Variants in VPS13B observed in about 807,000 individuals in gnomAD.
VPS13B encodes the protein vacuolar protein sorting 13 homolog B.
In VPS13B, 285 loss-of-function variants were observed where a neutral mutation model predicts 426.4. The observed-to-expected ratio is 0.67, with a 90% confidence interval of 0.61 to 0.74. The LOEUF (loss-of-function observed/expected upper bound fraction) is 0.74, where lower values mean the gene tolerates loss of function less well. Ranked by LOEUF, VPS13B falls within the 30% of genes least tolerant of loss-of-function variation. The pLI is 0.00. For missense variants in VPS13B, 4,537 were observed against 4,782.6 expected, an observed-to-expected ratio of 0.95 and a Z score of 1.51; for synonymous variants, 1,676 against 1,676.4, an observed-to-expected ratio of 1.00 and a Z score of 0.01.
intron 33 of VPS13B, among the ~76,000 whole-genome samples, chr8:99,606,995 G>T (rs1005265876): frequency 6.6e-6 from 1 of 152,092 alleles, no homozygotes; most frequent in African/African-American, 2.4e-5. Context: ...GACCTACTTG[G>T]ATAATTAAGG....
chr8:99,020,401 A>G (rs925426655), intron 2 of VPS13B, among the ~76,000 whole-genome samples: 2 of 152,142 alleles, frequency 1.3e-5, no homozygotes, highest in African/African-American at 4.8e-5. Context: ...TAGCAGATAC[A>G]TGATTTGCAG....
intron 35 of VPS13B, among the ~76,000 whole-genome samples, chr8:99,682,006 T>C (rs1379842611): frequency 2.0e-5 from 3 of 152,174 alleles, no homozygotes; most frequent in African/African-American, 4.8e-5. Context: ...CAAAACAAAA[T>C]AAATCTATAA....
chr8:99,731,355 G>A (rs1833592156), intron 39 of VPS13B, among the ~76,000 whole-genome samples: 1 of 152,122 alleles, frequency 6.6e-6, no homozygotes, highest in South Asian at 2.1e-4. Flanking sequence ...GTACTGTTTA[G>A]AGCTAAGGTA....
chr8:99,271,205 A>ACTC (rs2132983191), intron 17 of VPS13B, among the ~76,000 whole-genome samples: 1 of 109,886 alleles, frequency 9.1e-6, no homozygotes, highest in East Asian at 2.0e-4. Context: ...AACTACTACT[A>ACTC]CTACTACTAC....
chr8:99,205,346 G>C (rs1231797730), intron 17 of VPS13B, among the ~76,000 whole-genome samples: 2 of 152,084 alleles, frequency 1.3e-5, no homozygotes, highest in African/African-American at 4.8e-5. Flanking sequence ...ACACACTGGG[G>C]CCTGTTGTGG....
At chr8:99,640,019 T>TAAGAAGAAGAAGAAGAAG (rs1172250597) in intron 33 of VPS13B, among the ~76,000 whole-genome samples, 10 of 78,308 alleles carry the variant, frequency 1.3e-4, no homozygotes, top group African/African-American at 4.4e-4. Context: ...ATAATAATAA[T>TAAGAAGAAGAAGAAGAAG]AATAATAAGA....
chr8:99,853,837 C>T lies in VPS13B; in HGVS notation c.10448C>T (p.Thr3483Ile), dbSNP rs367609176. The T allele has an allele frequency of 5.9e-5, 95 of 1,614,108 alleles. No homozygotes were observed. The highest frequency in any genetic ancestry group is 8.0e-5 in the Non-Finnish European group (94 of 1,180,048). Residue 3483 changes from threonine to isoleucine, a missense_variant, in exon 56 of 62, where the codon ACC becomes ATC. Coordinates refer to ENST00000357162, the MANE Select transcript of VPS13B (RefSeq NM_152564.5). ...KEKCFIKLCI[T>I]LNEGKSILCD... ...AAATGTTTTATCAAACTTTGCATCA[C>T]CTTAAATGAAGGCAAGAGCATCCTC...
intron 39 of VPS13B, among the ~76,000 whole-genome samples, chr8:99,723,522 A>C (rs1446515997): frequency 6.6e-6 from 1 of 152,128 alleles, no homozygotes; most frequent in Non-Finnish European, 1.5e-5. Context: ...GGTCCCTAGC[A>C]TTTTGGATAA....
intron 4 of VPS13B, among the ~76,000 whole-genome samples, chr8:99,102,028 A>G (rs543944494): frequency 5.3e-5 from 8 of 151,728 alleles, no homozygotes; most frequent in Non-Finnish European, 1.2e-4. Context: ...ATAAAGTGTT[A>G]TTTATATTTT....
At chr8:99,124,417 G>C (rs1356702285) in intron 8 of VPS13B, among the ~76,000 whole-genome samples, 2 of 152,074 alleles carry the variant, frequency 1.3e-5, no homozygotes, top group Non-Finnish European at 2.9e-5. Context: ...TTATTTCTAG[G>C]TATGTACTCA....
intron 29 of VPS13B, among the ~76,000 whole-genome samples, chr8:99,515,914 AT>A (rs1299304444): frequency 6.6e-6 from 1 of 152,050 alleles, no homozygotes; most frequent in Non-Finnish European, 1.5e-5. Flanking sequence ...TAATTAATAC[AT>A]TTTTTGTGTA....
chr8:99,306,801 C>T lies in VPS13B; in HGVS notation c.2824+31547C>T, dbSNP rs569837564. The stretch of plus-strand genomic sequence containing the variant: ...AGGCATCTCACTTGAAATCTCAGAA[C>T]TTATACTAAAAAATTTATGAAGTGG... On this transcript the variant is annotated intron_variant, in intron 19 of 61. Transcript: ENST00000357162. Among the ~76,000 whole-genome samples, 8 of 152,084 alleles carry T rather than the reference C, an allele frequency of 5.3e-5. No individual in the cohort carries two copies. The East Asian group carries it at 1.5e-3, about 29-fold the overall frequency.
In VPS13B at chr8:99,142,153, A is replaced by T. The variant is rs1810464130; in HGVS notation, c.1652-821A>T. ...GTACTCCTTTGCATGAAATAATGGA[A>T]ATATATTTTTGTATAAAAGTATTAG... On this transcript the variant is annotated intron_variant, in intron 12 of 61. Coordinates refer to ENST00000357162, the MANE Select transcript of VPS13B (RefSeq NM_152564.5). 1.3e-5 allele frequency among the ~76,000 whole-genome samples: 2 copies of T among 152,176 alleles called. 1 individual carries two copies. The highest frequency in any genetic ancestry group is 4.1e-4 in the South Asian group (2 of 4,832).
chr8:99,695,609 TAGTG>T (rs1831938224), intron 35 of VPS13B, among the ~76,000 whole-genome samples: 1 of 138,768 alleles, frequency 7.2e-6, no homozygotes, highest in South Asian at 2.4e-4. Flanking sequence ...GATGACGAGT[TAGTG>T]GGTGCAGCGC....
intron 3 of VPS13B, among the ~76,000 whole-genome samples, chr8:99,045,432 G>T (rs545990848): frequency 1.2e-4 from 18 of 151,656 alleles, no homozygotes; most frequent in Non-Finnish European, 2.7e-4. Flanking sequence ...GCTTGTGTTC[G>T]TTGTAGATTC....
intron 8 of VPS13B, among the ~76,000 whole-genome samples, chr8:99,123,324 A>C (rs950405090): frequency 7.2e-5 from 11 of 152,118 alleles, no homozygotes; most frequent in African/African-American, 2.7e-4. Flanking sequence ...GTAATAACAA[A>C]TGTAAAGGCA....
intron 33 of VPS13B, among the ~76,000 whole-genome samples, chr8:99,590,841 G>A (rs185050378): frequency 3.3e-5 from 5 of 152,252 alleles, no homozygotes; most frequent in South Asian, 2.1e-4. Flanking sequence ...TTACGTAGAT[G>A]TCTATTAGGT....
intron 39 of VPS13B, among the ~76,000 whole-genome samples, chr8:99,740,859 C>G (rs937642768): frequency 6.7e-6 from 1 of 149,136 alleles, no homozygotes; most frequent in African/African-American, 2.5e-5. Flanking sequence ...GTACCAGCCA[C>G]TGCAAAATCA....
intron 19 of VPS13B, among the ~76,000 whole-genome samples, chr8:99,355,541 A>G (rs373506266): frequency 1.6e-4 from 25 of 152,294 alleles, no homozygotes; most frequent in African/African-American, 5.8e-4. Flanking sequence ...CAGTGAGCCT[A>G]GATAGCGCCA....
Sources: allele counts gnomAD v4.1 joint callset (sites outside exome capture counted in the v4.1 genomes callset), GRCh38; gene constraint gnomAD v4.1.1; transcripts MANE v1.5; gene names NCBI Gene and HGNC (gene_info 2026-07-23, HGNC 2026-07-21).